Variants in SNUPN observed in about 807,000 individuals in gnomAD.
SNUPN encodes snurportin-1.
Under a neutral mutation model 39.2 loss-of-function variants are expected in SNUPN, and 31 were observed. The observed-to-expected ratio is 0.79, with a 90% confidence interval of 0.59 to 1.07. The LOEUF is 1.07. SNUPN is among the 50% of genes least tolerant of loss of function. The pLI is 0.00. For missense variants in SNUPN, 382 were observed against 434.2 expected, an observed-to-expected ratio of 0.88 and a Z score of 1.07; for synonymous variants, 132 against 159.0, an observed-to-expected ratio of 0.83 and a Z score of 1.28.
At chr15:75,609,387 C>T (rs1312326887) in intron 5 of SNUPN, among the ~76,000 whole-genome samples, 171 bp downstream of exon 5, 1 of 151,914 alleles carries the variant, frequency 6.6e-6, no homozygotes, top group African/African-American at 2.4e-5. Flanking sequence ...GACGGGGTTT[C>T]ACCTTGTTAG....
chr15:75,625,146 G>T (rs1016331116), intron 1 of SNUPN: 1 of 153,366 alleles, frequency 6.5e-6, no homozygotes, highest in African/African-American at 2.4e-5. Context: ...GCCCCAGGTG[G>T]TCTTAGCACC....
chr15:75,610,096 G>T, intron 3 of SNUPN, 102 bp from the exon 4 acceptor site: 1 of 896,518 alleles, frequency 1.1e-6, no homozygotes, highest in Non-Finnish European at 1.8e-6. Context: ...AAAAACCTGA[G>T]TGAAAGAATG....
intron 2 of SNUPN, among the ~76,000 whole-genome samples, chr15:75,619,222 C>T (rs1270367711): frequency 4.0e-5 from 6 of 151,132 alleles, no homozygotes; most frequent in Non-Finnish European, 7.4e-5. Context: ...GTCCCAGCTA[C>T]TTGAGGGGCT....
chr15:75,605,393 G>A (rs1360044002), intron 6 of SNUPN, 166 bp from the exon 7 acceptor site: 4 of 428,260 alleles, frequency 9.3e-6, no homozygotes, highest in Non-Finnish European at 1.6e-5. Flanking sequence ...TGTAACCTCC[G>A]CCTCCCAAGT....
intron 5 of SNUPN, among the ~76,000 whole-genome samples, chr15:75,608,374 C>A (rs1198061492): frequency 1.3e-5 from 2 of 151,926 alleles, no homozygotes; most frequent in African/African-American, 2.4e-5. Context: ...CAGAGTGAGA[C>A]CGTGTCAAAA....
At chr15:75,623,437 C>T in intron 1 of SNUPN, among the ~76,000 whole-genome samples, 1 of 136,930 alleles carries the variant, frequency 7.3e-6, no homozygotes, top group Admixed American at 7.5e-5. Context: ...GTGTGAGCCA[C>T]CACGCCCGGC....
chr15:75,606,114 C>T (rs1436827382), intron 6 of SNUPN, among the ~76,000 whole-genome samples: 1 of 152,152 alleles, frequency 6.6e-6, no homozygotes, highest in Non-Finnish European at 1.5e-5. Context: ...CACTGCACTC[C>T]AACCTGGGCA....
intron 3 of SNUPN, among the ~76,000 whole-genome samples, chr15:75,614,338 A>G (rs1892874098): frequency 6.6e-6 from 1 of 152,178 alleles, no homozygotes; most frequent in African/African-American, 2.4e-5. Context: ...TAAAAATGGC[A>G]TTATTCATAA....
chr15:75,607,449 A>T, intron 5 of SNUPN, 136 bp from the exon 6 acceptor site: 1 of 653,754 alleles, frequency 1.5e-6, no homozygotes, highest in Non-Finnish European at 2.8e-6. Context: ...GGCACTAAGG[A>T]CTAAGGATTC....
chr15:75,617,323 T>C, intron 3 of SNUPN, 85 bp downstream of exon 3: 1 of 1,427,788 alleles, frequency 7.0e-7, no homozygotes, highest in Non-Finnish European at 9.6e-7. Flanking sequence ...CTCCTCTCTT[T>C]ATGACAGCAT....
intron 3 of SNUPN, among the ~76,000 whole-genome samples, chr15:75,614,684 ATGG>A (rs563315760): frequency 1.2e-4 from 18 of 152,170 alleles, no homozygotes; most frequent in Non-Finnish European, 2.5e-4. Flanking sequence ...AATAGTCGTG[ATGG>A]TTGCACAGTC....
At chr15:75,614,484 C>T (rs1414424688) in intron 3 of SNUPN, among the ~76,000 whole-genome samples, 3 of 151,940 alleles carry the variant, frequency 2.0e-5, no homozygotes, top group Non-Finnish European at 4.4e-5. Context: ...ATATGATGAA[C>T]GTTGGAAACC....
intron 7 of SNUPN, among the ~76,000 whole-genome samples, chr15:75,604,306 G>A (rs1376646586): frequency 2.0e-5 from 3 of 151,894 alleles, no homozygotes; most frequent in Admixed American, 6.6e-5. Flanking sequence ...GATTACAGGC[G>A]TGCACCACTA....
rs767621678 is a variant in SNUPN, at chr15:75,601,226, A to C, written c.679-8T>G. The C allele has an allele frequency of 3.4e-5, 54 of 1,591,996 alleles. No individual in the cohort carries two copies. Among genetic ancestry groups the C allele is most frequent in the Non-Finnish European group, 4.5e-5 (52 of 1,160,244 alleles). On this transcript the variant is annotated splice_region_variant and splice_polypyrimidine_tract_variant and intron_variant, in intron 7 of 8. Transcript: ENST00000308588. ...TAGCCCCACAAATTTAAACTGAAAT[A>C]GAAATTAGAACAAGGAATTAGTACG...
At chr15:75,598,765 T>G in intron 8 of SNUPN, 84 bp from the exon 9 acceptor site, 5 of 1,059,006 alleles carry the variant, frequency 4.7e-6, no homozygotes, top group Non-Finnish European at 6.8e-6. Context: ...AGGGCAGCTC[T>G]TGTGGTCCGA....
At chr15:75,600,881 G>A (rs1263077754) in intron 8 of SNUPN, 1 of 395,418 alleles carries the variant, frequency 2.5e-6, no homozygotes, top group Non-Finnish European at 4.7e-6. Context: ...CCGGACCTCA[G>A]TTTCTCCATC....
intron 1 of SNUPN, among the ~76,000 whole-genome samples, chr15:75,624,218 C>A (rs1167159897): frequency 6.6e-6 from 1 of 150,782 alleles, no homozygotes; most frequent in Non-Finnish European, 1.5e-5. Context: ...TGAGCCACCG[C>A]GCCCGGCCGA....
intron 2 of SNUPN, among the ~76,000 whole-genome samples, chr15:75,618,011 C>G (rs1316528139): frequency 1.3e-5 from 2 of 152,202 alleles, no homozygotes; most frequent in Non-Finnish European, 2.9e-5. Context: ...CTTTGCAAGG[C>G]TAAAACAGTG....
chr15:75,620,849 G>C, intron 2 of SNUPN, 45 bp downstream of exon 2: 1 of 1,566,936 alleles, frequency 6.4e-7, no homozygotes, highest in African/African-American at 1.4e-5. Flanking sequence ...ATGGTTCATA[G>C]CTCCTAGCCC....
Sources: gnomAD v4.1 joint callset for allele counts (sites outside exome capture counted in the v4.1 genomes callset) on GRCh38, gnomAD v4.1.1 for gene constraint, MANE v1.5 for transcripts, NCBI Gene and HGNC (gene_info 2026-07-23, HGNC 2026-07-21) for gene names.